Variants in ASIP observed in about 807,000 individuals in gnomAD.
ASIP encodes agouti signaling protein, also known as agouti-signaling protein.
Under a neutral mutation model 10.3 loss-of-function variants are expected in ASIP, and 11 were observed. That is an observed-to-expected ratio of 1.07 (90% CI 0.68 to 1.78). The LOEUF (loss-of-function observed/expected upper bound fraction) is 1.78, where lower values mean the gene tolerates loss of function less well. Ranked by LOEUF, ASIP falls within the 40% of genes most tolerant of loss-of-function variation. ASIP has a pLI of 0.00. For missense variants in ASIP, 180 were observed against 169.2 expected (o/e 1.06, Z -0.35); for synonymous variants, 70 against 70.8 (o/e 0.99, Z 0.06).
intron 1 of ASIP, among the ~76,000 whole-genome samples, chr20:34,243,882 A>G (rs1187014042): frequency 3.3e-5 from 5 of 151,956 alleles, no homozygotes; most frequent in Non-Finnish European, 7.4e-5. Context: ...GGCTAACACG[A>G]TGAAACCCCG....
upstream of ASIP, among the ~76,000 whole-genome samples, chr20:34,192,841 T>C (rs116216965): frequency 0.022 from 3,411 of 152,306 alleles, 73 homozygotes; most frequent in African/African-American, 0.058. Context: ...TACATAATAG[T>C]TGCACATTTT....
chr20:34,203,941 G>A (rs566491586), intron 1 of ASIP, among the ~76,000 whole-genome samples: 1 of 152,110 alleles, frequency 6.6e-6, no homozygotes, highest in African/African-American at 2.4e-5. Flanking sequence ...GGCCAGGCTG[G>A]TCTCGAACTC....
At chr20:34,201,274 C>A (rs1023468183) in intron 1 of ASIP, among the ~76,000 whole-genome samples, 1 of 152,060 alleles carries the variant, frequency 6.6e-6, no homozygotes, top group Non-Finnish European at 1.5e-5. Flanking sequence ...GAGTTGATAA[C>A]TTCCTTATGA....
chr20:34,186,768 G>A, the ASIP span, among the ~76,000 whole-genome samples: 1 of 152,092 alleles, frequency 6.6e-6, no homozygotes, highest in East Asian at 1.9e-4. Flanking sequence ...ATTTGACTTT[G>A]GAATTTGGGG....
intron 1 of ASIP, among the ~76,000 whole-genome samples, chr20:34,223,356 C>T (rs1233923895): frequency 6.6e-6 from 1 of 150,834 alleles, no homozygotes; most frequent in Non-Finnish European, 1.5e-5. Context: ...TCTGCCCAGC[C>T]GCCCCGTCTG....
chr20:34,214,647 T>C, intron 1 of ASIP: 1 of 1,085,394 alleles, frequency 9.2e-7, no homozygotes, highest in Non-Finnish European at 1.4e-6. Flanking sequence ...CTAACTTCAG[T>C]TGTTTTCTAT....
intron 1 of ASIP, among the ~76,000 whole-genome samples, chr20:34,258,307 T>G (rs1334813979): frequency 6.6e-6 from 1 of 151,890 alleles, no homozygotes; most frequent in East Asian, 1.9e-4. Flanking sequence ...AATAAATATT[T>G]TATGCTTTGT....
intron 1 of ASIP, among the ~76,000 whole-genome samples, chr20:34,251,306 C>T (rs1195572093): frequency 3.3e-5 from 5 of 151,632 alleles, no homozygotes; most frequent in African/African-American, 4.8e-5. Context: ...AGTCTCGCTC[C>T]GTCGCCCAGG....
intron 1 of ASIP, among the ~76,000 whole-genome samples, chr20:34,232,667 G>C (rs2035129867): frequency 6.6e-6 from 1 of 152,208 alleles, no homozygotes; most frequent in South Asian, 2.1e-4. Flanking sequence ...TCAGGCATCA[G>C]GAGAAGCACA....
chr20:34,198,201 T>C (rs985324632), intron 1 of ASIP, among the ~76,000 whole-genome samples: 1 of 152,050 alleles, frequency 6.6e-6, no homozygotes, highest in Admixed American at 6.6e-5. Context: ...GCGATTCTCA[T>C]GCCTCAGTCT....
intron 1 of ASIP, chr20:34,246,216 T>C (rs916078955): frequency 1.4e-6 from 2 of 1,468,222 alleles, no homozygotes; most frequent in African/African-American, 1.4e-5. Flanking sequence ...TGTGGTATGG[T>C]CTTCTTTTTT....
chr20:34,210,767 T>C (rs912910583), intron 1 of ASIP, among the ~76,000 whole-genome samples: 2 of 152,222 alleles, frequency 1.3e-5, no homozygotes, highest in African/African-American at 4.8e-5. Flanking sequence ...TTGTTCCAGA[T>C]GTTAGATGAA....
At chr20:34,199,208 G>C (rs890855626) in intron 1 of ASIP, among the ~76,000 whole-genome samples, 30 of 151,958 alleles carry the variant, frequency 2.0e-4, no homozygotes, top group African/African-American at 7.3e-4. Flanking sequence ...AAATGCCACA[G>C]TTTATTTATC....
chr20:34,198,307 CT>C (rs1358840458), intron 1 of ASIP, among the ~76,000 whole-genome samples: 2 of 152,054 alleles, frequency 1.3e-5, no homozygotes, highest in Non-Finnish European at 2.9e-5. Context: ...CCAGGCTGGG[CT>C]TGAACTCCTG....
chr20:34,189,436 T>C, the ASIP span, among the ~76,000 whole-genome samples: 1 of 152,046 alleles, frequency 6.6e-6, no homozygotes, highest in Middle Eastern at 3.2e-3. Context: ...GAGACGGGGT[T>C]TCTCCATGTT....
At chr20:34,243,148 A>T (rs1234372426) in intron 1 of ASIP, among the ~76,000 whole-genome samples, 2 of 152,196 alleles carry the variant, frequency 1.3e-5, no homozygotes, top group Non-Finnish European at 2.9e-5. Flanking sequence ...TTTCACACTG[A>T]CAAACAGCTG....
chr20:34,251,761 C>T (rs2122634217), intron 1 of ASIP, among the ~76,000 whole-genome samples: 1 of 152,242 alleles, frequency 6.6e-6, no homozygotes, highest in East Asian at 1.9e-4. Context: ...TGGCAGAGCC[C>T]TCATGAATGA....
At chr20:34,267,681 GCCA>G in intron 3 of ASIP, among the ~76,000 whole-genome samples, 1 of 151,972 alleles carries the variant, frequency 6.6e-6, no homozygotes, top group East Asian at 1.9e-4. Context: ...TTACAGATGT[GCCA>G]CCATGCTGGG....
rs940221932 is a variant in ASIP, at chr20:34,269,206, G to A, written c.*39G>A. 6 of 1,448,560 alleles carry A rather than the reference G, an allele frequency of 4.1e-6. No individual in the cohort carries two copies. The highest frequency in any genetic ancestry group is 3.6e-6 in the Non-Finnish European group (4 of 1,104,148). 89.7% of individuals were successfully genotyped at this position (1,448,560 alleles called of 1,614,324 possible). A position where few individuals can be genotyped will look rare whatever the true frequency, so the allele number is the denominator to read the frequency against. ...CGGCCGCGAGCAGGCAGGGCTTCGG[G>A]GACGCGGGGCGCTTCTCGGGCGGGT... On this transcript the variant is annotated 3_prime_UTR_variant, in exon 4 of 4. Transcript: ENST00000374954.
Sources: allele counts gnomAD v4.1 joint callset (sites outside exome capture counted in the v4.1 genomes callset), GRCh38; gene constraint gnomAD v4.1.1; transcripts MANE v1.5; gene names NCBI Gene and HGNC (gene_info 2026-07-23, HGNC 2026-07-21).